The following IQCM variants were observed in gnomAD, a reference collection of about 807,000 sequenced individuals.
IQCM encodes IQ domain-containing protein M.
In IQCM, 45 loss-of-function variants were observed where a neutral mutation model predicts 57.6. That is an observed-to-expected ratio of 0.78 (90% CI 0.62 to 1.00). The LOEUF (loss-of-function observed/expected upper bound fraction) is 1.00, where lower values mean the gene tolerates loss of function less well. Among genes scored for constraint, IQCM ranks in the 50% least tolerant of loss-of-function variants. The pLI, the probability that IQCM is intolerant of heterozygous loss-of-function variation, is 0.00. For missense variants in IQCM, 468 were observed against 511.6 expected (o/e 0.91, Z 0.82); for synonymous variants, 148 against 158.9 (o/e 0.93, Z 0.51).
intron 13 of IQCM, among the ~76,000 whole-genome samples, chr4:149,397,812 AT>A (rs1338655403): frequency 2.0e-5 from 3 of 151,550 alleles, no homozygotes; most frequent in Non-Finnish European, 4.4e-5. Flanking sequence ...TTCCTTATAC[AT>A]TTCAGAGATT....
intron 7 of IQCM, among the ~76,000 whole-genome samples, chr4:149,673,189 C>T (rs926589955): frequency 3.9e-5 from 6 of 152,082 alleles, no homozygotes; most frequent in African/African-American, 1.4e-4. Flanking sequence ...TTGAAAAGAC[C>T]ATCGATGCTA....
At chr4:149,699,916 T>TTTCTTTTCCCTCTCTCTCC (rs1561172452) in intron 5 of IQCM, among the ~76,000 whole-genome samples, 1 of 151,966 alleles carries the variant, frequency 6.6e-6, no homozygotes, top group Non-Finnish European at 1.5e-5. Context: ...TCTCTTTCTC[T>TTTCTTTTCCCTCTCTCTCC]TTCTTTTCCC....
At chr4:149,746,547 A>G (rs1767952364) in intron 2 of IQCM, among the ~76,000 whole-genome samples, 1 of 152,180 alleles carries the variant, frequency 6.6e-6, no homozygotes, top group South Asian at 2.1e-4. Flanking sequence ...TTCATTTAAA[A>G]TAAAACGTAA....
At chr4:149,649,773 A>C (rs1758986963) in intron 7 of IQCM, among the ~76,000 whole-genome samples, 1 of 152,174 alleles carries the variant, frequency 6.6e-6, no homozygotes, top group African/African-American at 2.4e-5. Context: ...CATAAAATAG[A>C]TAGCTAGGAA....
intron 13 of IQCM, among the ~76,000 whole-genome samples, chr4:149,410,055 GCAACTGTAATC>G (rs1417562160): frequency 6.6e-6 from 1 of 152,056 alleles, no homozygotes; most frequent in Non-Finnish European, 1.5e-5. Flanking sequence ...ATGGCGGTGG[GCAACTGTAATC>G]CAAGCTATTT....
At chr4:149,796,055 A>T (rs181223601) in intron 2 of IQCM, among the ~76,000 whole-genome samples, 58 of 152,224 alleles carry the variant, frequency 3.8e-4, no homozygotes, top group Non-Finnish European at 6.8e-4. Context: ...CAGAGGGAAA[A>T]GTAAGGGAGA....
chr4:149,415,816 C>T (rs1018890359), intron 13 of IQCM, among the ~76,000 whole-genome samples: 2 of 152,046 alleles, frequency 1.3e-5, no homozygotes, highest in Admixed American at 1.3e-4. Context: ...AATCCCATCT[C>T]AGTCTAGAAA....
intron 13 of IQCM, among the ~76,000 whole-genome samples, chr4:149,374,967 T>G (rs971511683): frequency 6.4e-5 from 8 of 125,402 alleles, no homozygotes; most frequent in South Asian, 5.6e-4. Context: ...CACACTTTCT[T>G]TGTGTGTGTG....
At chr4:149,707,545 C>T (rs965374731) in intron 5 of IQCM, among the ~76,000 whole-genome samples, 2 of 151,908 alleles carry the variant, frequency 1.3e-5, no homozygotes, top group African/African-American at 4.8e-5. Context: ...ACATCTCTCC[C>T]TGGGACAAAG....
chr4:149,689,070 A>G (rs1762757260), intron 5 of IQCM, among the ~76,000 whole-genome samples: 1 of 152,082 alleles, frequency 6.6e-6, no homozygotes, highest in African/African-American at 2.4e-5. Context: ...AGAACCCAAA[A>G]GCAAATGCAA....
At chr4:149,667,057 A>T (rs1458320047) in intron 7 of IQCM, among the ~76,000 whole-genome samples, 1 of 152,196 alleles carries the variant, frequency 6.6e-6, no homozygotes, top group African/African-American at 2.4e-5. Flanking sequence ...CAGATCTCCC[A>T]GCACAGCACT....
chr4:149,425,450 C>A lies in IQCM; in HGVS notation c.1390+7946G>T, dbSNP rs906662380. On this transcript the variant is annotated intron_variant, in intron 13 of 13. Transcript: ENST00000636793. ...TAAGTCCCAGTCTGAGTCCAAAGGA[C>A]TAGGATCTTGGGGGTTGATGGTGTA... 3.9e-5 allele frequency among the ~76,000 whole-genome samples: 6 copies of A among 151,926 alleles called. No homozygotes were observed. The East Asian group carries it at 1.2e-3, about 30-fold the overall frequency.
intron 3 of IQCM, among the ~76,000 whole-genome samples, chr4:149,736,850 A>C (rs1250932132): frequency 6.6e-6 from 1 of 152,220 alleles, no homozygotes; most frequent in African/African-American, 2.4e-5. Flanking sequence ...TTTACCAGAG[A>C]GAATGAAAAT....
At chr4:149,400,148 G>C (rs570705493) in intron 13 of IQCM, among the ~76,000 whole-genome samples, 1 of 150,558 alleles carries the variant, frequency 6.6e-6, no homozygotes, top group Non-Finnish European at 1.5e-5. Flanking sequence ...CACTATTATG[G>C]TCAATGAGAG....
At chr4:149,742,834 A>T (rs1171795499) in intron 2 of IQCM, 95 bp from the exon 3 acceptor site, 8 of 489,416 alleles carry the variant, frequency 1.6e-5, no homozygotes, top group Non-Finnish European at 2.6e-5. Flanking sequence ...GTGAATGATT[A>T]AAACTTTTTA....
At chr4:149,754,319 G>A (rs536339470) in intron 2 of IQCM, among the ~76,000 whole-genome samples, 6 of 152,156 alleles carry the variant, frequency 3.9e-5, no homozygotes, top group South Asian at 2.1e-4. Context: ...GCCCCTCCCC[G>A]CCCCGGGGAG....
At chr4:149,775,740 T>C (rs148318555) in intron 2 of IQCM, among the ~76,000 whole-genome samples, 48 of 152,354 alleles carry the variant, frequency 3.2e-4, no homozygotes, top group Non-Finnish European at 3.5e-4. Context: ...TAAGTTCTAG[T>C]ATCAGCCAAG....
chr4:149,599,118 T>C (rs1053700750), intron 8 of IQCM, among the ~76,000 whole-genome samples: 11 of 152,170 alleles, frequency 7.2e-5, no homozygotes, highest in Non-Finnish European at 1.6e-4. Context: ...TATAAAAGAA[T>C]GCTTGTAGCA....
intron 5 of IQCM, among the ~76,000 whole-genome samples, chr4:149,712,888 A>G (rs538671997): frequency 4.3e-4 from 66 of 152,280 alleles, no homozygotes; most frequent in Admixed American, 1.2e-3. Context: ...ACTTGCCCTC[A>G]TATGTTCTGG....
Sources: allele counts gnomAD v4.1 joint callset (sites outside exome capture counted in the v4.1 genomes callset), GRCh38; gene constraint gnomAD v4.1.1; transcripts MANE v1.5; gene names NCBI Gene and HGNC (gene_info 2026-07-23, HGNC 2026-07-21).